CPS1: variants seen among roughly 807,000 people sequenced by gnomAD.
CPS1 encodes the protein carbamoyl-phosphate synthase 1.
A neutral mutation model predicts 174.6 loss-of-function variants in CPS1; 109 were observed. The observed-to-expected ratio is 0.62, with a 90% CI of 0.53 to 0.73. The LOEUF is 0.73. Among genes scored for constraint, CPS1 ranks in the 30% least tolerant of loss-of-function variants. The pLI is 0.00. For missense variants in CPS1, 1,689 were observed against 1,821.9 expected (o/e 0.93, Z 1.33); for synonymous variants, 637 against 632.0 (o/e 1.01, Z -0.12).
intron 1 of CPS1, among the ~76,000 whole-genome samples, chr2:210,488,516 G>C (rs983690200): frequency 6.6e-6 from 1 of 152,180 alleles, no homozygotes; most frequent in Non-Finnish European, 1.5e-5. Context: ...TTTTCCAACT[G>C]TCTCCTTATT....
chr2:210,612,269 C>T lies in CPS1; in HGVS notation c.2544C>T (p.Ser848=), dbSNP rs142818109. 2.0e-4 allele frequency: 320 copies of T among 1,611,984 alleles called. No individual in the cohort carries two copies. Among genetic ancestry groups the T allele is most frequent in the Non-Finnish European group, 2.6e-4 (302 of 1,178,670 alleles). The change falls in exon 20 of 38, where the codon AGC becomes AGT. Residue 848 remains serine (S), a synonymous_variant. Transcript: ENST00000233072. ...DLRKELSEPS[S]TRIYAIAKAI... is the part of the protein sequence containing the mutation. ...GAAAAGAGTTGTCTGAACCAAGCAG[C>T]ACGCGTATCTATGCCATTGCCAAGG... is the stretch of plus-strand genomic sequence containing the variant.
intron 1 of CPS1, among the ~76,000 whole-genome samples, chr2:210,497,916 A>G (rs576146404): frequency 7.1e-6 from 1 of 140,614 alleles, no homozygotes; most frequent in Non-Finnish European, 1.5e-5. Flanking sequence ...ATATATATAT[A>G]TATCTCCAGT....
intron 1 of CPS1, among the ~76,000 whole-genome samples, chr2:210,508,664 CA>C (rs1695357783): frequency 6.6e-6 from 1 of 152,056 alleles, no homozygotes; most frequent in African/African-American, 2.4e-5. Flanking sequence ...AGAGAAGAAT[CA>C]AATAGATGCA....
At chr2:210,477,745 G>T (rs1694433845) in exon 1 of CPS1, 2 of 1,613,198 alleles carry the variant, frequency 1.2e-6, no homozygotes, top group East Asian at 4.5e-5. Context: ...TCAAATTCAT[G>T]AAGATTTAGC....
chr2:210,604,976 G>A (rs1698854484), intron 16 of CPS1, 126 bp from the exon 17 acceptor site: 2 of 977,958 alleles, frequency 2.0e-6, no homozygotes, highest in African/African-American at 1.6e-5. Context: ...CTGTGCAGGG[G>A]AGAATGGAGA....
chr2:210,651,166 G>A (rs533041617), intron 28 of CPS1, among the ~76,000 whole-genome samples: 5 of 151,978 alleles, frequency 3.3e-5, no homozygotes, highest in Admixed American at 6.6e-5. Flanking sequence ...TTTTAAGGGG[G>A]AACAATTCAT....
intron 13 of CPS1, 85 bp downstream of exon 13, chr2:210,595,667 A>G (rs1396955404): frequency 7.6e-6 from 7 of 922,530 alleles, no homozygotes; most frequent in Admixed American, 3.7e-5. Context: ...TTATGACACT[A>G]CCTCTTTTCA....
At chr2:210,564,265 T>C (rs770388102) in intron 1 of CPS1, among the ~76,000 whole-genome samples, 54 of 152,194 alleles carry the variant, frequency 3.5e-4, no homozygotes, top group Admixed American at 1.6e-3. Flanking sequence ...TTTCTACTTA[T>C]ATGTAACCCC....
intron 28 of CPS1, among the ~76,000 whole-genome samples, chr2:210,653,431 T>G (rs1320780274): frequency 1.1e-4 from 17 of 152,082 alleles, no homozygotes; most frequent in Admixed American, 1.1e-3. Context: ...TTTTGAAGAT[T>G]AATAAATAAA....
At chr2:210,592,034 A>T in intron 10 of CPS1, 65 bp downstream of exon 10, 1 of 1,509,124 alleles carries the variant, frequency 6.6e-7, no homozygotes, top group Non-Finnish European at 9.0e-7. Flanking sequence ...AAAATAATTG[A>T]TACATAAGCA....
chr2:210,650,303 AC>A, intron 27 of CPS1, 59 bp from the exon 28 acceptor site: 1 of 1,366,100 alleles, frequency 7.3e-7, no homozygotes, highest in Non-Finnish European at 1.0e-6. Context: ...TGTTCTGAGA[AC>A]CAGTCAAGTC....
In CPS1 at chr2:210,512,938, AGAGATATATATATG is replaced by A. The variant is rs1191333937; in HGVS notation, c.3+35200_3+35213del. Among the ~76,000 whole-genome samples the A allele has an allele frequency of 1.6e-4, 10 of 60,932 alleles. 3 individuals are homozygous for A. The East Asian group carries it at 2.8e-3, about 17-fold the overall frequency. The allele number at this position is 60,932 out of a possible 152,430, so 40.0% of individuals were successfully genotyped here. A position where few individuals can be genotyped will look rare whatever the true frequency, so the allele number is the denominator to read the frequency against. ...TATATATGGAGATATATATATATGG[AGAGATATATATATG>A]GAGATATATATATGGAGATATATAT... On this transcript the variant is annotated intron_variant, in intron 1 of 38. Transcript: ENST00000430249.
intron 1 of CPS1, among the ~76,000 whole-genome samples, chr2:210,510,413 A>G (rs1214609114): frequency 2.0e-5 from 3 of 152,284 alleles, no homozygotes; most frequent in African/African-American, 7.2e-5. Context: ...TAGACCTAAA[A>G]CCATAAAAAC....
intron 21 of CPS1, among the ~76,000 whole-genome samples, chr2:210,625,600 T>A (rs1480999447): frequency 1.3e-5 from 2 of 152,074 alleles, no homozygotes; most frequent in Non-Finnish European, 2.9e-5. Flanking sequence ...ACAATATTCT[T>A]TCCTTCAATA....
chr2:210,638,262 G>C (rs1487375200), intron 22 of CPS1, among the ~76,000 whole-genome samples: 1 of 151,888 alleles, frequency 6.6e-6, no homozygotes, highest in Non-Finnish European at 1.5e-5. Context: ...CTTTTTACAG[G>C]GTAATACTTT....
Position 210,592,751 on chromosome 2 carries a change from T to G in CPS1, c.1087-128T>G, listed in dbSNP as rs1574564201. ...CATGTTACTTAATAGTACTGTTAGT[T>G]ACAAAAATTTTGTTAAGCATCTAAC... On this transcript the variant is annotated intron_variant, in intron 10 of 37. Transcript: ENST00000233072. The G allele has an allele frequency of 3.4e-5, 28 of 834,456 alleles. 1 individual carries two copies. The East Asian group carries it at 6.9e-4, about 21-fold the overall frequency. 51.7% of individuals were successfully genotyped at this position (834,456 alleles called of 1,614,324 possible).
chr2:210,535,030 C>T (rs764322629), intron 1 of CPS1, among the ~76,000 whole-genome samples: 1 of 152,184 alleles, frequency 6.6e-6, no homozygotes, highest in Non-Finnish European at 1.5e-5. Flanking sequence ...TGCTCAGGCT[C>T]TACACCTCAT....
At chr2:210,639,362 C>T in intron 23 of CPS1, 147 bp downstream of exon 23, 1 of 666,914 alleles carries the variant, frequency 1.5e-6, no homozygotes, top group East Asian at 3.1e-5. Flanking sequence ...CCTGTAATCC[C>T]AGCACTTTGG....
chr2:210,571,967 C>T (rs763433415), intron 1 of CPS1, among the ~76,000 whole-genome samples: 3 of 150,588 alleles, frequency 2.0e-5, no homozygotes, highest in Non-Finnish European at 4.4e-5. Flanking sequence ...GGCACTTTGG[C>T]CTCAGTCCTA....
Sources: gnomAD v4.1 joint callset for allele counts (sites outside exome capture counted in the v4.1 genomes callset) on GRCh38, gnomAD v4.1.1 for gene constraint, MANE v1.5 for transcripts, NCBI Gene and HGNC (gene_info 2026-07-23, HGNC 2026-07-21) for gene names.